The following NRXN3 variants were observed in gnomAD, a reference collection of about 807,000 sequenced individuals.
NRXN3 encodes neurexin III.
NRXN3 carries 32 observed loss-of-function variants against 137.6 expected under a neutral mutation model. The ratio of observed to expected loss-of-function variants is 0.23; its 90% CI spans 0.18 to 0.31. The LOEUF (loss-of-function observed/expected upper bound fraction) is 0.31, where lower values mean the gene tolerates loss of function less well. NRXN3 is among the 10% of genes least tolerant of loss of function. NRXN3 has a pLI of 1.00. For synonymous variants in NRXN3, 798 were observed against 784.5 expected, an observed-to-expected ratio of 1.02 and a Z score of -0.29; for missense variants, 1,574 against 2,062.5, an observed-to-expected ratio of 0.76 and a Z score of 4.59.
Position 79,861,704 on chromosome 14 carries a change from T to C in NRXN3, c.4456T>C (p.Ser1486Pro), listed in dbSNP as rs1454126712. 6.2e-7 allele frequency: 1 copy of C among 1,614,128 alleles called. No individual in the cohort carries two copies. Among genetic ancestry groups the C allele is most frequent in the Non-Finnish European group, 8.5e-7 (1 of 1,180,022 alleles). ...GGGAATCAGACGGGTTCCGGGGGCC[T>C]CAGAGGTGATCCGGGAGTCGAGCAG... ...EPGIRRVPGA[S>P]EVIRESSSTT... The change falls in exon 21 of 21, where the codon TCA (serine) becomes CCA (proline). Residue 1486 changes from serine (S) to proline (P), a missense_variant. This residue lies in a region of NRXN3 where 320 missense variants were observed against 387.1 expected (regional missense o/e 0.83). Transcript: ENST00000335750. This position sits in a 1 kb window ranked among gnomAD's most constrained non-coding sequence, Gnocchi z 5.4.
intron 2 of NRXN3, among the ~76,000 whole-genome samples, chr14:78,251,118 C>T (rs367755292): frequency 2.0e-5 from 3 of 152,330 alleles, no homozygotes; most frequent in African/African-American, 4.8e-5. Context: ...ACCGGAGCTT[C>T]GCTGGACAGG....
chr14:78,474,376 G>C (rs2095340038), intron 4 of NRXN3, among the ~76,000 whole-genome samples: 1 of 152,036 alleles, frequency 6.6e-6, no homozygotes, highest in South Asian at 2.1e-4. Flanking sequence ...CTCATTGTTG[G>C]TCCATGGACC....
intron 4 of NRXN3, among the ~76,000 whole-genome samples, chr14:78,643,226 G>A (rs1017317475): frequency 6.6e-6 from 1 of 152,212 alleles, no homozygotes; most frequent in Non-Finnish European, 1.5e-5. Flanking sequence ...ACCTGGGGCT[G>A]TAATGGTTAA....
intron 15 of NRXN3, among the ~76,000 whole-genome samples, chr14:79,369,776 C>T (rs897905411): frequency 4.6e-5 from 7 of 152,240 alleles, no homozygotes; most frequent in South Asian, 2.1e-4. Context: ...AAAATGTAGA[C>T]GCTTGAGCCA....
At chr14:78,837,445 A>G (rs1443846254) in intron 10 of NRXN3, among the ~76,000 whole-genome samples, 1 of 151,792 alleles carries the variant, frequency 6.6e-6, no homozygotes, top group Non-Finnish European at 1.5e-5. Context: ...TATGGAAGGA[A>G]ACCTGAAAAT....
intron 15 of NRXN3, among the ~76,000 whole-genome samples, chr14:79,174,647 G>A (rs1568501101): frequency 1.3e-5 from 2 of 148,452 alleles, no homozygotes; most frequent in Admixed American, 6.7e-5. Context: ...AAAAAAAAAA[G>A]AGGAAAGATT....
At chr14:79,320,323 C>T (rs1159992955) in intron 15 of NRXN3, among the ~76,000 whole-genome samples, 1 of 152,154 alleles carries the variant, frequency 6.6e-6, no homozygotes, top group African/African-American at 2.4e-5. Flanking sequence ...AAGTGGTGGA[C>T]ATTTTTCTAC....
intron 15 of NRXN3, among the ~76,000 whole-genome samples, chr14:79,182,796 A>G (rs1359815633): frequency 6.6e-6 from 1 of 152,198 alleles, no homozygotes; most frequent in Non-Finnish European, 1.5e-5. Flanking sequence ...TACACAATAA[A>G]TTACTTAAGT....
intron 16 of NRXN3, among the ~76,000 whole-genome samples, chr14:79,481,708 T>TA (rs1353757164): frequency 2.6e-5 from 4 of 152,222 alleles, no homozygotes; most frequent in Non-Finnish European, 4.4e-5. Flanking sequence ...TTAATACATG[T>TA]AGAGCTGGCT....
At chr14:79,369,129 G>A (rs903794112) in intron 15 of NRXN3, among the ~76,000 whole-genome samples, 2 of 152,192 alleles carry the variant, frequency 1.3e-5, no homozygotes, top group African/African-American at 4.8e-5. Context: ...TAGTGATGAC[G>A]AGCAGTGTGA....
At chr14:78,911,187 T>G (rs1182382088) in intron 10 of NRXN3, among the ~76,000 whole-genome samples, 1 of 152,230 alleles carries the variant, frequency 6.6e-6, no homozygotes, top group African/African-American at 2.4e-5. Context: ...CATAACATTT[T>G]TATTCCCATT....
intron 4 of NRXN3, among the ~76,000 whole-genome samples, chr14:78,306,944 A>G (rs919417346): frequency 6.6e-6 from 1 of 152,140 alleles, no homozygotes; most frequent in South Asian, 2.1e-4. Context: ...TCAAGTAAAA[A>G]GCCTTAAATG....
chr14:78,926,579 A>G (rs2099292031), intron 10 of NRXN3, among the ~76,000 whole-genome samples: 1 of 127,544 alleles, frequency 7.8e-6, no homozygotes, highest in Non-Finnish European at 1.6e-5. Context: ...TGTCTCTAAA[A>G]ATAAAATAAA....
chr14:79,195,220 AC>A lies in NRXN3; in HGVS notation c.3262+207082del, dbSNP rs77220476. Among the ~76,000 whole-genome samples the A allele has an allele frequency of 7.9e-5, 12 of 152,246 alleles. No individual in the cohort carries two copies. In the East Asian group the frequency reaches 2.1e-3, roughly 27 times the overall value. ...GGGAATGACAAATGTGAGTCTGGGAACCCAGGCATCAAGGGGTGGACTTCCT... is the reference window on the plus strand; with the variant it reads ...GGGAATGACAAATGTGAGTCTGGGAACCAGGCATCAAGGGGTGGACTTCCT... On this transcript the variant is annotated intron_variant, in intron 15 of 20. Transcript: ENST00000335750.
At chr14:78,245,269 G>T (rs781299683) in intron 2 of NRXN3, among the ~76,000 whole-genome samples, 7 of 152,174 alleles carry the variant, frequency 4.6e-5, no homozygotes, top group Non-Finnish European at 7.3e-5. Flanking sequence ...TGTCTTGGGG[G>T]AATTTAAACT....
At position 79,857,298 on chromosome 14, in the gene NRXN3, T is replaced by C. The variant is rs565059682; in HGVS notation, c.4094-4044T>C. On this transcript the variant is annotated intron_variant, in intron 20 of 20. Coordinates refer to ENST00000335750, the MANE Select transcript of NRXN3 (RefSeq NM_001330195.2). ...GTGCAGTGGCGTGATCTCGGCTCAC[T>C]GCAAGCTCTGCCTCCCAGGTTCACG... Among the ~76,000 whole-genome samples the C allele has an allele frequency of 2.0e-5, 3 of 152,300 alleles. No homozygotes were observed. The East Asian group carries it at 5.8e-4, about 29-fold the overall frequency.
At chr14:78,784,588 T>C (rs2098782595) in intron 8 of NRXN3, among the ~76,000 whole-genome samples, 1 of 151,800 alleles carries the variant, frequency 6.6e-6, no homozygotes, top group African/African-American at 2.4e-5. Context: ...AGCCAAGGAG[T>C]ATGAAGTTAT....
At chr14:79,697,399 G>A (rs2098739466) in intron 18 of NRXN3, among the ~76,000 whole-genome samples, 1 of 151,838 alleles carries the variant, frequency 6.6e-6, no homozygotes, top group South Asian at 2.1e-4. Context: ...CACTATGAAG[G>A]AATAGAGACT....
intron 15 of NRXN3, among the ~76,000 whole-genome samples, chr14:79,035,321 T>G (rs2099614276): frequency 1.3e-5 from 2 of 152,130 alleles, no homozygotes. Flanking sequence ...TTAATAGGCC[T>G]CACTCTATAG....
Sources: allele counts gnomAD v4.1 joint callset (sites outside exome capture counted in the v4.1 genomes callset), GRCh38; gene constraint gnomAD v4.1.1; regional missense constraint gnomAD v4.1.1; non-coding constraint Gnocchi (gnomAD v3.1); transcripts MANE v1.5; gene names NCBI Gene and HGNC (gene_info 2026-07-23, HGNC 2026-07-21).